Variants in EPHA3 observed in about 807,000 individuals in gnomAD.
EPHA3 encodes ephrin type-A receptor 3.
EPHA3 carries 42 observed loss-of-function variants against 107.1 expected under a neutral mutation model. The observed-to-expected ratio is 0.39, with a 90% CI of 0.31 to 0.51. The LOEUF is 0.51. EPHA3 is among the 20% of genes least tolerant of loss of function. EPHA3 has a pLI of 0.78. For synonymous variants in EPHA3, 461 were observed against 424.8 expected, an observed-to-expected ratio of 1.09 and a Z score of -1.05; for missense variants, 1,183 against 1,211.2, an observed-to-expected ratio of 0.98 and a Z score of 0.35.
chr3:89,176,417 C>A (rs1705320734), intron 2 of EPHA3, among the ~76,000 whole-genome samples: 1 of 151,062 alleles, frequency 6.6e-6, no homozygotes, highest in Non-Finnish European at 1.5e-5. Context: ...CTCTTGAACC[C>A]ACCCAGGAGG....
intron 16 of EPHA3, among the ~76,000 whole-genome samples, chr3:89,475,048 C>A (rs1370776458): frequency 2.0e-5 from 3 of 152,222 alleles, no homozygotes; most frequent in Non-Finnish European, 2.9e-5. Flanking sequence ...GGATTAACAC[C>A]TTTGCCCTAA....
At chr3:89,138,730 A>G (rs1339464794) in intron 2 of EPHA3, among the ~76,000 whole-genome samples, 1 of 151,896 alleles carries the variant, frequency 6.6e-6, no homozygotes, top group Non-Finnish European at 1.5e-5. Context: ...TTCTTTGGTT[A>G]TATATCTTGA....
intron 3 of EPHA3, among the ~76,000 whole-genome samples, chr3:89,295,729 TG>T (rs1281694984): frequency 6.6e-6 from 1 of 152,114 alleles, no homozygotes; most frequent in Non-Finnish European, 1.5e-5. Context: ...TAGCTGGGAT[TG>T]TAGGCATGCA....
At chr3:89,278,849 G>T (rs1705872724) in intron 3 of EPHA3, among the ~76,000 whole-genome samples, 1 of 152,140 alleles carries the variant, frequency 6.6e-6, no homozygotes, top group South Asian at 2.1e-4. Context: ...CCAAAAAGAG[G>T]ATAGATTTCA....
At chr3:89,142,589 C>G (rs1480950465) in intron 2 of EPHA3, among the ~76,000 whole-genome samples, 1 of 151,432 alleles carries the variant, frequency 6.6e-6, no homozygotes, top group African/African-American at 2.4e-5. Context: ...TTGACATAAA[C>G]TGTTACTTAT....
chr3:89,367,548 A>G (rs1708208093), intron 5 of EPHA3, among the ~76,000 whole-genome samples: 1 of 150,700 alleles, frequency 6.6e-6, no homozygotes, highest in Non-Finnish European at 1.5e-5. Flanking sequence ...AGCTCCTTTA[A>G]ATAGTGGCTT....
chr3:89,313,949 T>A (rs1419570030), intron 3 of EPHA3, among the ~76,000 whole-genome samples: 2 of 151,960 alleles, frequency 1.3e-5, no homozygotes, highest in African/African-American at 2.4e-5. Flanking sequence ...AAATTTGATT[T>A]TTTTAGTGGG....
At position 89,363,083 on chromosome 3, in the gene EPHA3, G is replaced by C. The variant is rs140365755; in HGVS notation, c.1306+20993G>C. ...ACTCTCTTTTTAAACATAGGTTTTG[G>C]TTTCATGCATAGATTTGCAAAGTCA... On this transcript the variant is annotated intron_variant, in intron 5 of 16. Coordinates refer to ENST00000336596, the MANE Select transcript of EPHA3 (RefSeq NM_005233.6). Among the ~76,000 whole-genome samples the C allele has an allele frequency of 2.9e-3, 437 of 150,902 alleles. 26 individuals carry two copies. Among genetic ancestry groups the C allele is most frequent in the Non-Finnish European group, 4.4e-3 (294 of 67,348 alleles).
intron 3 of EPHA3, among the ~76,000 whole-genome samples, chr3:89,310,059 C>T (rs1402989422): frequency 6.6e-6 from 1 of 152,032 alleles, no homozygotes; most frequent in Non-Finnish European, 1.5e-5. Context: ...GCTCCACATG[C>T]CTTTAAACTC....
Position 89,399,480 on chromosome 3 carries a change from T to G in EPHA3, c.1594T>G (p.Ser532Ala), listed in dbSNP as rs1413432309. The change falls in exon 7 of 17, where the codon TCT becomes GCT. Residue 532 changes from serine (S) to alanine (A), a missense_variant and splice_region_variant. Coordinates refer to ENST00000336596, the MANE Select transcript of EPHA3 (RefSeq NM_005233.6). ...RKFEFETSPD[S>A]FSISGESSQV... ...GTTTGAGTTTGAAACTAGTCCAGACTGTATGTATTATTTCAATGCAGTCTA... is the reference window on the plus strand; with the variant it reads ...GTTTGAGTTTGAAACTAGTCCAGACGGTATGTATTATTTCAATGCAGTCTA... The G allele has an allele frequency of 1.2e-6, 2 of 1,613,834 alleles. No homozygotes were observed. Among genetic ancestry groups the G allele is most frequent in the Admixed American group, 3.3e-5 (2 of 59,978 alleles).
intron 9 of EPHA3, among the ~76,000 whole-genome samples, chr3:89,411,348 T>C (rs1709151273): frequency 6.6e-6 from 1 of 151,870 alleles, no homozygotes; most frequent in Non-Finnish European, 1.5e-5. Flanking sequence ...TCCTTTCAAA[T>C]TATCCACACC....
At chr3:89,233,282 T>C (rs183742773) in intron 3 of EPHA3, among the ~76,000 whole-genome samples, 9 of 152,308 alleles carry the variant, frequency 5.9e-5, no homozygotes, top group African/African-American at 2.2e-4. Context: ...AACTATTTTT[T>C]AGTGTGGAAT....
chr3:89,186,534 T>C (rs1705572802), intron 2 of EPHA3, among the ~76,000 whole-genome samples: 3 of 152,102 alleles, frequency 2.0e-5, no homozygotes, highest in Admixed American at 6.6e-5. Context: ...AAACTTCACA[T>C]TGAGAAGTAT....
chr3:89,155,332 CT>C (rs1441960956), intron 2 of EPHA3, among the ~76,000 whole-genome samples: 1 of 151,934 alleles, frequency 6.6e-6, no homozygotes, highest in African/African-American at 2.4e-5. Flanking sequence ...ATAAAATACC[CT>C]TTTTCTAGTT....
At chr3:89,233,524 C>T (rs1445308991) in intron 3 of EPHA3, among the ~76,000 whole-genome samples, 3 of 152,196 alleles carry the variant, frequency 2.0e-5, no homozygotes, top group Non-Finnish European at 4.4e-5. Flanking sequence ...TCTACCTCCC[C>T]TGCTGAGCCA....
intron 3 of EPHA3, among the ~76,000 whole-genome samples, chr3:89,220,881 C>T (rs564238926): frequency 1.3e-5 from 2 of 152,244 alleles, no homozygotes; most frequent in South Asian, 4.1e-4. Context: ...TTAAAAATAG[C>T]CATTTCTTTC....
In EPHA3 at chr3:89,480,293, C is replaced by T. The variant is rs1424736383; in HGVS notation, c.*791C>T. On this transcript the variant is annotated 3_prime_UTR_variant, in exon 17 of 17. Coordinates refer to ENST00000336596, the MANE Select transcript of EPHA3 (RefSeq NM_005233.6). ...GTTTCTTTCAGATTTTTTGAACCAT[C>T]CACTTACATATATTTTTAAAAAATG... 1 of 232,846 alleles carries T rather than the reference C, an allele frequency of 4.3e-6. No individual in the cohort carries two copies. The highest frequency in any genetic ancestry group is 8.5e-6 in the Non-Finnish European group (1 of 117,820). 14.4% of individuals were successfully genotyped at this position (232,846 alleles called of 1,614,324 possible).
At chr3:89,123,184 T>A (rs1046496754) in intron 1 of EPHA3, among the ~76,000 whole-genome samples, 3 of 152,192 alleles carry the variant, frequency 2.0e-5, no homozygotes, top group Non-Finnish European at 2.9e-5. Context: ...TCGCTCTGTT[T>A]CCCAGGCTGC....
At chr3:89,472,853 G>A (rs1208565717) in intron 16 of EPHA3, among the ~76,000 whole-genome samples, 1 of 152,086 alleles carries the variant, frequency 6.6e-6, no homozygotes, top group African/African-American at 2.4e-5. Flanking sequence ...CCCAGGATCG[G>A]TGTCTTTAGA....
Sources: allele counts gnomAD v4.1 joint callset (sites outside exome capture counted in the v4.1 genomes callset), GRCh38; gene constraint gnomAD v4.1.1; transcripts MANE v1.5; gene names NCBI Gene and HGNC (gene_info 2026-07-23, HGNC 2026-07-21).